The following CPED1 variants were observed in gnomAD, a reference collection of about 807,000 sequenced individuals.
CPED1 encodes cadherin-like and PC-esterase domain-containing protein 1.
A neutral mutation model predicts 128.2 loss-of-function variants in CPED1; 114 were observed. That is an observed-to-expected ratio of 0.89 (90% CI 0.76 to 1.04). The LOEUF (loss-of-function observed/expected upper bound fraction) is 1.04. CPED1 is among the 50% of genes least tolerant of loss of function. CPED1 has a pLI of 0.00. For synonymous variants in CPED1, 462 were observed against 426.7 expected (o/e 1.08, Z -1.02); for missense variants, 1,211 against 1,207.1 (o/e 1.00, Z -0.05).
intron 2 of CPED1, among the ~76,000 whole-genome samples, chr7:121,008,722 T>C (rs1475483753): frequency 1.3e-5 from 2 of 152,162 alleles, no homozygotes; most frequent in East Asian, 3.9e-4. Context: ...TAGGAAATTA[T>C]GTGATTTCAT....
At chr7:121,059,964 T>C (rs1793609107) in intron 4 of CPED1, among the ~76,000 whole-genome samples, 1 of 151,758 alleles carries the variant, frequency 6.6e-6, no homozygotes, top group South Asian at 2.1e-4. Flanking sequence ...TGCAGGGAGG[T>C]GTGGAGGGAG....
intron 22 of CPED1, among the ~76,000 whole-genome samples, chr7:121,271,708 A>G (rs577626937): frequency 4.6e-5 from 7 of 152,172 alleles, no homozygotes; most frequent in Admixed American, 3.9e-4. Flanking sequence ...GAGAGCACTT[A>G]TTTTCTCTAA....
intron 2 of CPED1, among the ~76,000 whole-genome samples, chr7:120,995,372 G>T (rs1045724368): frequency 6.6e-6 from 1 of 152,066 alleles, no homozygotes; most frequent in African/African-American, 2.4e-5. Context: ...ACACAACAAG[G>T]TTATTCTGAA....
At chr7:121,197,747 C>T (rs1022479972) in intron 16 of CPED1, among the ~76,000 whole-genome samples, 8 of 152,082 alleles carry the variant, frequency 5.3e-5, no homozygotes, top group South Asian at 2.1e-4. Context: ...TTGAGAGAGC[C>T]GTGGAACTGA....
At chr7:121,026,269 C>G (rs1408263573) in intron 3 of CPED1, among the ~76,000 whole-genome samples, 1 of 152,128 alleles carries the variant, frequency 6.6e-6, no homozygotes, top group Non-Finnish European at 1.5e-5. Context: ...CTGGCCTGTT[C>G]AGGGGTCTAC....
Position 121,046,993 on chromosome 7 carries a change from G to T in CPED1, c.540G>T (p.Lys180Asn). 6.3e-6 allele frequency: 10 copies of T among 1,581,310 alleles called. No individual in the cohort carries two copies. Among genetic ancestry groups the T allele is most frequent in the Non-Finnish European group, 8.7e-6 (10 of 1,150,780 alleles). ...TGTGCCAGTTAGGTTTACATCAAAA[G>T]GTAAATACTCTCAAGATGTGCACAG... Reference protein sequence around the residue: ...EVMCQLGLHQKANRLPEIQQP... With the variant: ...EVMCQLGLHQNANRLPEIQQP... Residue 180 changes from lysine to asparagine, a missense_variant and splice_region_variant, in exon 4 of 23, where the codon AAG (lysine) becomes AAT (asparagine). Transcript: ENST00000310396.
At chr7:121,293,450 G>A (rs931147589) in intron 22 of CPED1, among the ~76,000 whole-genome samples, 5 of 152,150 alleles carry the variant, frequency 3.3e-5, no homozygotes, top group African/African-American at 1.2e-4. Flanking sequence ...ACTCCATGGG[G>A]TGGGATCCAT....
intron 16 of CPED1, among the ~76,000 whole-genome samples, chr7:121,168,540 T>C (rs1326498031): frequency 6.6e-6 from 1 of 152,218 alleles, no homozygotes; most frequent in Non-Finnish European, 1.5e-5. Context: ...GATCACATCA[T>C]GGAGAATGGG....
intron 7 of CPED1, among the ~76,000 whole-genome samples, chr7:121,107,153 A>C (rs970578068): frequency 1.3e-5 from 2 of 152,106 alleles, no homozygotes; most frequent in African/African-American, 4.8e-5. Flanking sequence ...TGGACCATGA[A>C]TTAAGGCAAA....
rs549325520 is a variant in CPED1, at chr7:121,095,482, G to GT, written c.617-2206dup. Among the ~76,000 whole-genome samples the GT allele has an allele frequency of 9.4e-3, 1,386 of 146,792 alleles. 12 individuals are homozygous for GT. Among genetic ancestry groups the GT allele is most frequent in the Middle Eastern group, 0.025 (7 of 278 alleles). ...TTAGAGGGGACAGCTAATTACAGAG[G>GT]TTTTTTTTTTTCTTTTAGAATAATA... On this transcript the variant is annotated intron_variant, in intron 5 of 22. Coordinates refer to ENST00000310396, the MANE Select transcript of CPED1 (RefSeq NM_024913.5).
chr7:121,294,709 T>C (rs1792785594), intron 22 of CPED1, among the ~76,000 whole-genome samples: 1 of 149,222 alleles, frequency 6.7e-6, no homozygotes, highest in African/African-American at 2.5e-5. Context: ...GAACAATAGA[T>C]AAACTGGAAA....
chr7:121,113,048 A>G (rs1291605665), intron 7 of CPED1, among the ~76,000 whole-genome samples: 1 of 152,242 alleles, frequency 6.6e-6, no homozygotes, highest in African/African-American at 2.4e-5. Context: ...TAAGTAAGGT[A>G]TAGAAACAGT....
At chr7:121,026,137 G>A (rs1792575486) in intron 3 of CPED1, among the ~76,000 whole-genome samples, 1 of 152,080 alleles carries the variant, frequency 6.6e-6, no homozygotes, top group Admixed American at 6.5e-5. Context: ...TTTCAGTGAT[G>A]CCAACTTTAT....
chr7:121,260,808 T>G lies in CPED1; in HGVS notation c.2311-5419T>G, dbSNP rs528236685. 5.9e-5 allele frequency among the ~76,000 whole-genome samples: 9 copies of G among 152,174 alleles called. No homozygotes were observed. The South Asian group carries it at 1.7e-3, about 28-fold the overall frequency. ...TCTTGTGTTGAAATCTACGTGCACT[T>G]TATTGGATCCAGAGAAAAGCTACCA... On this transcript the variant is annotated intron_variant, in intron 18 of 22. Coordinates refer to ENST00000310396, the MANE Select transcript of CPED1 (RefSeq NM_024913.5).
At chr7:121,111,527 A>AGAGT in intron 7 of CPED1, among the ~76,000 whole-genome samples, 1 of 152,294 alleles carries the variant, frequency 6.6e-6, no homozygotes, top group East Asian at 1.9e-4. Flanking sequence ...GAAGGATAGT[A>AGAGT]GAGTGGTCTA....
intron 4 of CPED1, among the ~76,000 whole-genome samples, chr7:121,059,957 A>C (rs1030849922): frequency 1.3e-5 from 2 of 152,162 alleles, no homozygotes; most frequent in Admixed American, 1.3e-4. Flanking sequence ...CTCAGCTTGC[A>C]GGGAGGTGTG....
chr7:121,228,642 G>T (rs545979278), intron 16 of CPED1, among the ~76,000 whole-genome samples: 1 of 150,080 alleles, frequency 6.7e-6, no homozygotes, highest in Admixed American at 6.6e-5. Flanking sequence ...TTCCACTACT[G>T]GGTATCTAAC....
chr7:121,204,787 C>CATGT (rs1156484753), intron 16 of CPED1, among the ~76,000 whole-genome samples: 1 of 152,128 alleles, frequency 6.6e-6, no homozygotes, highest in Non-Finnish European at 1.5e-5. Flanking sequence ...TAGTGCTAGA[C>CATGT]ATGTAGTCAT....
At chr7:121,270,694 G>T (rs1046304530) in intron 21 of CPED1, among the ~76,000 whole-genome samples, 1 of 151,948 alleles carries the variant, frequency 6.6e-6, no homozygotes, top group Non-Finnish European at 1.5e-5. Context: ...TTATAGGTGC[G>T]GCTTTTTTCT....
Sources: gnomAD v4.1 joint callset for allele counts (sites outside exome capture counted in the v4.1 genomes callset) on GRCh38, gnomAD v4.1.1 for gene constraint, MANE v1.5 for transcripts, NCBI Gene and HGNC (gene_info 2026-07-23, HGNC 2026-07-21) for gene names.